KIF24: variants seen among roughly 807,000 people sequenced by gnomAD.
KIF24 encodes kinesin-like protein KIF24.
In KIF24, 81 loss-of-function variants were observed where a neutral mutation model predicts 118.9. The observed-to-expected ratio is 0.68, with a 90% confidence interval of 0.57 to 0.82. The LOEUF is 0.82. KIF24 is among the 40% of genes least tolerant of loss of function. The probability of loss-of-function intolerance (pLI) is 0.00; values close to 1 mark genes in which losing one functional copy is unlikely to be tolerated. For synonymous variants in KIF24, 599 were observed against 610.0 expected, an observed-to-expected ratio of 0.98 and a Z score of 0.27; for missense variants, 1,560 against 1,661.6, an observed-to-expected ratio of 0.94 and a Z score of 1.06.
chr9:34,292,096 T>G (rs1836275439), intron 4 of KIF24, among the ~76,000 whole-genome samples: 1 of 152,198 alleles, frequency 6.6e-6, no homozygotes, highest in African/African-American at 2.4e-5. Context: ...AAGTCATCCC[T>G]CTGCTCACCT....
intron 10 of KIF24, among the ~76,000 whole-genome samples, chr9:34,259,389 G>A (rs564252283): frequency 8.8e-4 from 134 of 152,336 alleles, no homozygotes; most frequent in African/African-American, 3.0e-3. Flanking sequence ...CAAAGTGACA[G>A]GGCCTACCAG....
At chr9:34,303,972 T>C (rs1041871621) in intron 3 of KIF24, among the ~76,000 whole-genome samples, 3 of 152,188 alleles carry the variant, frequency 2.0e-5, no homozygotes, top group African/African-American at 7.2e-5. Context: ...TTACTGCCAA[T>C]TTCAAAAAAC....
rs1386616502 is a variant in KIF24 at position 34,318,596 on chromosome 9, G to A, written c.-25-7225C>T. ...GGCCATGGCCAAGGACCAGGCGGTGGAGAACATCCTGGTGTCGCCCGTGGT... is the reference window on the plus strand; with the variant it reads ...GGCCATGGCCAAGGACCAGGCGGTGAAGAACATCCTGGTGTCGCCCGTGGT... On this transcript the variant is annotated intron_variant, in intron 1 of 12. Transcript: ENST00000402558. This position sits in a 1 kb window ranked among gnomAD's most constrained non-coding sequence, Gnocchi z 4.9. 16 of 1,418,734 alleles carry A rather than the reference G, an allele frequency of 1.1e-5. No individual in the cohort carries two copies. Among genetic ancestry groups the A allele is most frequent in the Non-Finnish European group, 1.5e-5 (15 of 1,018,750 alleles). The allele number at this position is 1,418,734 out of a possible 1,614,324, so 87.9% of individuals were successfully genotyped here. A position where few individuals can be genotyped will look rare whatever the true frequency, so the allele number is the denominator to read the frequency against.
chr9:34,311,737 T>C (rs117579006), intron 1 of KIF24, among the ~76,000 whole-genome samples: 18,101 of 147,092 alleles, frequency 0.12, 1,460 homozygotes, highest in Non-Finnish European at 0.18. Context: ...CGTATATATA[T>C]ACATATATAC....
Position 34,310,877 on chromosome 9 carries a change from G to A in KIF24, c.470C>T (p.Thr157Ile), listed in dbSNP as rs1189548473. 89 of 1,613,972 alleles carry A rather than the reference G, an allele frequency of 5.5e-5. No individual in the cohort carries two copies. The highest frequency in any genetic ancestry group is 7.1e-5 in the Non-Finnish European group (84 of 1,179,840). The change falls in exon 2 of 13, where the codon ACA (threonine) becomes ATA (isoleucine). Residue 157 changes from threonine to isoleucine, a missense_variant. Transcript: ENST00000402558. ...TGTTTGCACATAGGAATCACCAGCT[G>A]TGGCATTCAGAATTCCTGTTTTTGT... ...YHTKTGILNA[T>I]AGDSYVQTEI... is the part of the protein sequence containing the mutation.
At chr9:34,319,490 C>T (rs772424396) in intron 1 of KIF24, 13 of 1,291,060 alleles carry the variant, frequency 1.0e-5, no homozygotes, top group Non-Finnish European at 1.2e-5. Flanking sequence ...CAGACGGCAA[C>T]TCCTTTGACC....
Position 34,256,601 on chromosome 9 carries a change from GTC to G in KIF24, c.3004_3005del (p.Asp1002HisfsTer33). On this transcript the variant is annotated frameshift_variant, in exon 11 of 13. Transcript: ENST00000402558. LOFTEE classifies it high-confidence loss of function. ...CTTCTCTCAGAGGTGTGGTGACTGT[GTC>G]TCTTTGGTCTGGGGATCCAGGAACT... ...VAVPGSPDQR[D>X]TVTTPLREVS... is the part of the protein sequence containing the mutation. 1.2e-6 allele frequency: 2 copies of G among 1,613,980 alleles called. No individual in the cohort carries two copies. The highest frequency in any genetic ancestry group is 1.7e-6 in the Non-Finnish European group (2 of 1,179,888).
chr9:34,295,632 T>C (rs1184451786), intron 4 of KIF24, among the ~76,000 whole-genome samples: 1 of 152,024 alleles, frequency 6.6e-6, no homozygotes, highest in African/African-American at 2.4e-5. Flanking sequence ...GAGCCAAGAT[T>C]GCACCACTGC....
chr9:34,280,061 GATCACGAGGTCAGGAGATCGAGACC>G (rs1835790672), intron 6 of KIF24, among the ~76,000 whole-genome samples: 1 of 151,508 alleles, frequency 6.6e-6, no homozygotes. Flanking sequence ...GAGGCAGGCG[GATCACGAGGTCAGGAGATCGAGACC>G]ATCCCGGCTA....
chr9:34,260,423 G>A (rs866431860), intron 9 of KIF24, among the ~76,000 whole-genome samples: 1 of 152,008 alleles, frequency 6.6e-6, no homozygotes, highest in South Asian at 2.1e-4. Flanking sequence ...TAGGAACACA[G>A]AAAGATATCT....
chr9:34,279,323 C>A (rs1433246308), intron 6 of KIF24, among the ~76,000 whole-genome samples: 1 of 152,186 alleles, frequency 6.6e-6, no homozygotes, highest in Non-Finnish European at 1.5e-5. Flanking sequence ...GGCACTGTAA[C>A]TGGCTGCCCA....
intron 4 of KIF24, among the ~76,000 whole-genome samples, chr9:34,295,670 C>A (rs903888439): frequency 6.6e-6 from 1 of 151,432 alleles, no homozygotes; most frequent in African/African-American, 2.4e-5. Context: ...AGAGTGAGAC[C>A]CTGTCTCAAA....
intron 6 of KIF24, among the ~76,000 whole-genome samples, chr9:34,279,733 C>T (rs1004122106): frequency 2.0e-5 from 3 of 152,168 alleles, no homozygotes; most frequent in Non-Finnish European, 4.4e-5. Flanking sequence ...GATACCTGAG[C>T]GAGTATGAAC....
chr9:34,263,309 C>A, intron 8 of KIF24, 137 bp from the exon 9 acceptor site: 7 of 683,668 alleles, frequency 1.0e-5, no homozygotes, highest in Admixed American at 4.3e-5. Context: ...GTCAAAATGG[C>A]CTGTAGTTTC....
At chr9:34,312,340 G>T (rs1259859038) in intron 1 of KIF24, among the ~76,000 whole-genome samples, 1 of 152,118 alleles carries the variant, frequency 6.6e-6, no homozygotes, top group African/African-American at 2.4e-5. Context: ...AAATAATGTG[G>T]TAATAACACA....
intron 6 of KIF24, among the ~76,000 whole-genome samples, chr9:34,273,023 A>C (rs1321771905): frequency 6.6e-6 from 1 of 152,084 alleles, no homozygotes; most frequent in Admixed American, 6.6e-5. Context: ...CAGGAGGATC[A>C]CTTGAGCCCA....
At chr9:34,286,967 T>A (rs185329034) in intron 5 of KIF24, among the ~76,000 whole-genome samples, 1 of 152,312 alleles carries the variant, frequency 6.6e-6, no homozygotes, top group Admixed American at 6.5e-5. Flanking sequence ...CAGTGGATGA[T>A]GTACACCTGG....
Position 34,257,228 on chromosome 9 carries a change from G to A in KIF24, c.2379C>T (p.Tyr793=). 2.5e-6 allele frequency: 4 copies of A among 1,614,056 alleles called. No homozygotes were observed. The South Asian group carries it at 4.4e-5, about 18-fold the overall frequency. ...TCGTGAGCTGACCCTCTGGGGGCCTGTACTGGCGTAAAGACCTTTTCAGTG... is the reference window on the plus strand; with the variant it reads ...TCGTGAGCTGACCCTCTGGGGGCCTATACTGGCGTAAAGACCTTTTCAGTG... ...YQPLKRSLRQ[Y]RPPEGQLTNE... Residue 793 remains tyrosine (Y), a synonymous_variant, in exon 11 of 13, where the codon TAC becomes TAT. Coordinates refer to ENST00000402558, the MANE Select transcript of KIF24 (RefSeq NM_194313.4).
intron 8 of KIF24, among the ~76,000 whole-genome samples, chr9:34,266,679 G>GAAAAAAAAAA (rs1252037077): frequency 9.1e-5 from 7 of 77,244 alleles, no homozygotes; most frequent in Admixed American, 1.4e-4. Flanking sequence ...CTCCATCTCA[G>GAAAAAAAAAA]AAAAAAAAAA....
Sources: gnomAD v4.1 joint callset for allele counts (sites outside exome capture counted in the v4.1 genomes callset) on GRCh38, gnomAD v4.1.1 for gene constraint, Gnocchi (gnomAD v3.1) non-coding constraint, MANE v1.5 for transcripts, NCBI Gene and HGNC (gene_info 2026-07-23, HGNC 2026-07-21) for gene names.